The following CX3CL1 variants were observed in gnomAD, a reference collection of about 807,000 sequenced individuals.
The protein encoded by CX3CL1 is fractalkine.
CX3CL1 carries 1 observed loss-of-function variant against 14.1 expected under a neutral mutation model. That is an observed-to-expected ratio of 0.07 (90% CI 0.03 to 0.34). CX3CL1 has a LOEUF of 0.34. Among genes scored for constraint, CX3CL1 ranks in the 10% least tolerant of loss-of-function variants. CX3CL1 has a pLI of 0.99. For missense variants in CX3CL1, 505 were observed against 536.4 expected (o/e 0.94, Z 0.58); for synonymous variants, 255 against 229.6 (o/e 1.11, Z -1.00).
chr16:57,380,434 T>C (rs1432430375), intron 2 of CX3CL1, among the ~76,000 whole-genome samples: 1 of 151,964 alleles, frequency 6.6e-6, no homozygotes, highest in Non-Finnish European at 1.5e-5. Context: ...GGTGGGCGCC[T>C]GTAATCCCAG....
intron 2 of CX3CL1, 135 bp downstream of exon 2, chr16:57,379,889 G>T: frequency 9.5e-7 from 1 of 1,050,164 alleles, no homozygotes. Flanking sequence ...CGCTTCTCTT[G>T]CCCCTGGCCT....
In CX3CL1 at chr16:57,375,299, G is replaced by A. The variant is rs571461482; in HGVS notation, c.70+2661G>A. Among the ~76,000 whole-genome samples the A allele has an allele frequency of 9.9e-5, 15 of 152,252 alleles. No individual in the cohort carries two copies. The South Asian group carries it at 3.1e-3, about 32-fold the overall frequency. Reference sequence around the variant, plus strand: ...CGGGAGCCATGTGGATATCTCTAGAGCAATGGTCCTCAGTGAGTAATTTTG... The same window carrying A: ...CGGGAGCCATGTGGATATCTCTAGAACAATGGTCCTCAGTGAGTAATTTTG... On this transcript the variant is annotated intron_variant, in intron 1 of 2. Transcript: ENST00000006053.
At chr16:57,376,795 A>G (rs1404959340) in intron 1 of CX3CL1, among the ~76,000 whole-genome samples, 3 of 152,268 alleles carry the variant, frequency 2.0e-5, no homozygotes, top group Non-Finnish European at 4.4e-5. Context: ...AACTGAGACT[A>G]ATTTCATTCA....
In CX3CL1 at chr16:57,373,168, C is replaced by T. The variant is rs1337889246; in HGVS notation, c.70+530C>T. Reference sequence around the variant, plus strand: ...CACTGCAGCTCATGGTTGGGGCTTGCCACTGCTGTGCTAGTCTATAGCCCC... The same window carrying T: ...CACTGCAGCTCATGGTTGGGGCTTGTCACTGCTGTGCTAGTCTATAGCCCC... On this transcript the variant is annotated intron_variant, in intron 1 of 2. Coordinates refer to ENST00000006053, the MANE Select transcript of CX3CL1 (RefSeq NM_002996.6). Among the ~76,000 whole-genome samples, 8 of 152,316 alleles carry T rather than the reference C, an allele frequency of 5.3e-5. No individual in the cohort carries two copies. In the East Asian group the frequency reaches 1.5e-3, roughly 29 times the overall value.
At chr16:57,381,760 T>C (rs1189241720) in intron 2 of CX3CL1, among the ~76,000 whole-genome samples, 2 of 152,104 alleles carry the variant, frequency 1.3e-5, no homozygotes, top group African/African-American at 4.8e-5. Flanking sequence ...TCCCCCATCC[T>C]AAGCACCCCC....
rs1282095199 is a variant in CX3CL1, at chr16:57,384,180, C to G, written c.*1148C>G. On this transcript the variant is annotated 3_prime_UTR_variant, in exon 3 of 3. Coordinates refer to ENST00000006053, the MANE Select transcript of CX3CL1 (RefSeq NM_002996.6). ...CCACAAGACCCTTGTGGTCCCACCC[C>G]ACACACGCCAGATTCTTTCCTGAGG... 1 of 152,580 alleles carries G rather than the reference C, an allele frequency of 6.6e-6. No homozygotes were observed. The highest frequency in any genetic ancestry group is 1.9e-4 in the East Asian group (1 of 5,194). The allele number at this position is 152,580 out of a possible 1,614,324, so 9.5% of individuals were successfully genotyped here.
intron 2 of CX3CL1, among the ~76,000 whole-genome samples, chr16:57,381,751 C>T (rs1008915245): frequency 6.6e-6 from 1 of 152,168 alleles, no homozygotes; most frequent in South Asian, 2.1e-4. Flanking sequence ...AATGGAAAGT[C>T]CCCCATCCTA....
At chr16:57,373,176 G>GT (rs371214132) in intron 1 of CX3CL1, among the ~76,000 whole-genome samples, 5 of 152,200 alleles carry the variant, frequency 3.3e-5, no homozygotes, top group African/African-American at 1.2e-4. Context: ...TGCCACTGCT[G>GT]TGCTAGTCTA....
chr16:57,382,229 G>A lies in CX3CL1; in HGVS notation c.391G>A (p.Ala131Thr), dbSNP rs1412329203. Residue 131 changes from alanine (A) to threonine (T), a missense_variant, in exon 3 of 3, where the codon GCC becomes ACC. By Grantham distance (58) the Ala-to-Thr change is moderately conservative. Transcript: ENST00000006053. This position sits in a 1 kb window ranked among gnomAD's most constrained non-coding sequence, Gnocchi z 6.9. ...CGAGTCTGTGGTCCTGGAGCCCGAAGCCACAGGCGAAAGCAGTAGCCTGGA... is the reference window on the plus strand; with the variant it reads ...CGAGTCTGTGGTCCTGGAGCCCGAAACCACAGGCGAAAGCAGTAGCCTGGA... ...MDESVVLEPE[A>T]TGESSSLEPT... 1 of 1,612,498 alleles carries A rather than the reference G, an allele frequency of 6.2e-7. No individual in the cohort carries two copies. The highest frequency in any genetic ancestry group is 2.2e-5 in the East Asian group (1 of 44,828).
chr16:57,373,354 G>A (rs1465887877), intron 1 of CX3CL1, among the ~76,000 whole-genome samples: 2 of 152,234 alleles, frequency 1.3e-5, no homozygotes, highest in Non-Finnish European at 2.9e-5. Context: ...GGCCCAGAGA[G>A]GTTTAGAAAC....
At chr16:57,379,369 G>T (rs1243181141) in intron 1 of CX3CL1, 2 of 468,446 alleles carry the variant, frequency 4.3e-6, no homozygotes, top group African/African-American at 2.0e-5. Flanking sequence ...CAGGCAAAAA[G>T]AACTCTATAA....
intron 1 of CX3CL1, chr16:57,377,644 TATGTAAATATTTATGC>T (rs1902263261): frequency 6.6e-6 from 1 of 152,154 alleles, no homozygotes. Flanking sequence ...TGGCCACATA[TATGTAAATATTTATGC>T]ATGAGCAGTT....
rs1217576728 is a variant in CX3CL1 at position 57,384,639 on chromosome 16, AGCAAGAC to A, written c.*1610_*1616del. On this transcript the variant is annotated 3_prime_UTR_variant, in exon 3 of 3. Coordinates refer to ENST00000006053, the MANE Select transcript of CX3CL1 (RefSeq NM_002996.6). ...GGAAACCCAGCTCTGGTCCATAGAG[AGCAAGAC>A]GCTGTGCTGCCCTGCCCACCTGGCC... 2 of 152,574 alleles carry A rather than the reference AGCAAGAC, an allele frequency of 1.3e-5. No homozygotes were observed. Among genetic ancestry groups the A allele is most frequent in the African/African-American group, 4.8e-5 (2 of 41,456 alleles). The allele number at this position is 152,574 out of a possible 1,614,324, so 9.5% of individuals were successfully genotyped here. A position where few individuals can be genotyped will look rare whatever the true frequency, so the allele number is the denominator to read the frequency against.
chr16:57,374,229 G>A (rs1902215542), intron 1 of CX3CL1, among the ~76,000 whole-genome samples: 1 of 152,100 alleles, frequency 6.6e-6, no homozygotes, highest in African/African-American at 2.4e-5. Flanking sequence ...GGGTGGTTTG[G>A]AAGCCAGAGA....
rs1902335983 is a variant in CX3CL1 at position 57,382,336 on chromosome 16, G to C, written c.498G>C (p.Gly166=). The C allele has an allele frequency of 6.2e-7, 1 of 1,608,818 alleles. No individual in the cohort carries two copies. The highest frequency in any genetic ancestry group is 1.3e-5 in the African/African-American group (1 of 75,010). Residue 166 remains glycine, a synonymous_variant, in exon 3 of 3, where the codon GGG becomes GGC. Transcript: ENST00000006053. This position sits in a 1 kb window ranked among gnomAD's most constrained non-coding sequence, Gnocchi z 6.9. ...ELPTGVTGSS[G]TRLPPTPKAQ... ...CGACGGGCGTGACTGGTTCCTCAGG[G>C]ACCAGGCTCCCCCCGACGCCAAAGG...
At chr16:57,381,094 GCTTCCTGGACTT>G (rs1902314319) in intron 2 of CX3CL1, among the ~76,000 whole-genome samples, 2 of 152,206 alleles carry the variant, frequency 1.3e-5, no homozygotes. Flanking sequence ...GGTCATACTT[GCTTCCTGGACTT>G]CTCTGGTTTC....
At chr16:57,376,995 C>T (rs1161128693) in intron 1 of CX3CL1, 1 of 152,172 alleles carries the variant, frequency 6.6e-6, no homozygotes, top group East Asian at 1.9e-4. Flanking sequence ...GTCAGTTAAA[C>T]AATCTTCCTG....
chr16:57,375,347 AT>A (rs1181487881), intron 1 of CX3CL1, among the ~76,000 whole-genome samples: 2 of 152,014 alleles, frequency 1.3e-5, no homozygotes, highest in Non-Finnish European at 2.9e-5. Flanking sequence ...CCATTTGGCA[AT>A]TTCTAGAGAA....
At position 57,382,793 on chromosome 16, in the gene CX3CL1, A is replaced by T; in HGVS notation, c.955A>T (p.Met319Leu). ...PKAEEPIHAT[M>L]DPQRLGVLIT... ...GGCTGAGGAACCCATCCATGCCACC[A>T]TGGACCCCCAGAGGCTGGGCGTCCT... The change falls in exon 3 of 3, where the codon ATG becomes TTG. Residue 319 changes from methionine to leucine, a missense_variant. Physicochemically the swap from Met to Leu is conservative, Grantham distance 15. Transcript: ENST00000006053. This position sits in a 1 kb window ranked among gnomAD's most constrained non-coding sequence, Gnocchi z 6.9. 1 of 1,606,242 alleles carries T rather than the reference A, an allele frequency of 6.2e-7. No individual in the cohort carries two copies. The highest frequency in any genetic ancestry group is 8.5e-7 in the Non-Finnish European group (1 of 1,176,292).
Sources: gnomAD v4.1 joint callset for allele counts (sites outside exome capture counted in the v4.1 genomes callset) on GRCh38, gnomAD v4.1.1 for gene constraint, Gnocchi (gnomAD v3.1) non-coding constraint, MANE v1.5 for transcripts, NCBI Gene and HGNC (gene_info 2026-07-23, HGNC 2026-07-21) for gene names.